Variants in ABCC1 observed in about 807,000 individuals in gnomAD.
ABCC1 encodes multidrug resistance-associated protein 1.
Under a neutral mutation model 172.9 loss-of-function variants are expected in ABCC1, and 83 were observed. The ratio of observed to expected loss-of-function variants is 0.48; its 90% confidence interval spans 0.40 to 0.58. ABCC1 has a LOEUF of 0.58. ABCC1 is among the 20% of genes least tolerant of loss of function. The pLI is 0.00. For synonymous variants in ABCC1, 937 were observed against 825.2 expected, an observed-to-expected ratio of 1.14 and a Z score of -2.32; for missense variants, 1,817 against 2,002.7, an observed-to-expected ratio of 0.91 and a Z score of 1.77.
intron 30 of ABCC1, among the ~76,000 whole-genome samples, chr16:16,139,429 C>T (rs538182241): frequency 1.2e-4 from 18 of 151,942 alleles, no homozygotes; most frequent in Admixed American, 5.9e-4. Context: ...TTGGCCAACA[C>T]GGTGAGACCC....
At chr16:16,101,114 C>G (rs2051724498) in intron 19 of ABCC1, among the ~76,000 whole-genome samples, 1 of 151,952 alleles carries the variant, frequency 6.6e-6, no homozygotes, top group African/African-American at 2.4e-5. Context: ...TCACTGCAAC[C>G]TCCGCCTCCC....
At chr16:16,075,809 G>T (rs1248798502) in intron 14 of ABCC1, among the ~76,000 whole-genome samples, 1 of 152,126 alleles carries the variant, frequency 6.6e-6, no homozygotes, top group Non-Finnish European at 1.5e-5. Flanking sequence ...GTGTGGCTGG[G>T]GGAGGAAGAC....
intron 10 of ABCC1, among the ~76,000 whole-genome samples, chr16:16,051,204 C>T (rs1382033320): frequency 6.6e-6 from 1 of 151,446 alleles, no homozygotes; most frequent in Admixed American, 6.6e-5. Flanking sequence ...GAGTCTTGCT[C>T]TGTTGCCCAG....
intron 16 of ABCC1, among the ~76,000 whole-genome samples, chr16:16,083,004 G>A (rs1567383774): frequency 1.3e-5 from 2 of 152,196 alleles, no homozygotes; most frequent in African/African-American, 4.8e-5. Flanking sequence ...CACCGTAACT[G>A]TAATCAAGTA....
intron 1 of ABCC1, among the ~76,000 whole-genome samples, chr16:15,980,010 C>T (rs577707082): frequency 7.9e-5 from 12 of 151,982 alleles, no homozygotes; most frequent in Middle Eastern, 3.2e-3. Context: ...ACATTCACTG[C>T]GCTAAAGAAA....
At chr16:15,949,234 T>G (rs758785931), upstream of ABCC1, among the ~76,000 whole-genome samples, 1 of 151,000 alleles carries the variant, frequency 6.6e-6, no homozygotes, top group Admixed American at 6.7e-5. Context: ...GAGGGCACAG[T>G]TAAGGCGCCC....
intron 1 of ABCC1, among the ~76,000 whole-genome samples, chr16:15,977,585 G>A (rs921012015): frequency 6.6e-6 from 1 of 152,040 alleles, no homozygotes; most frequent in Non-Finnish European, 1.5e-5. Context: ...CTCTTGGAGT[G>A]AGGTTCCCTC....
chr16:16,048,373 A>C (rs1478404349), intron 10 of ABCC1, 70 bp downstream of exon 10: 8 of 1,571,242 alleles, frequency 5.1e-6, no homozygotes, highest in African/African-American at 1.4e-5. Context: ...GGGCCGAGGG[A>C]GTGGGTGTTG....
intron 1 of ABCC1, among the ~76,000 whole-genome samples, chr16:15,991,829 A>C (rs568108490): frequency 1.3e-5 from 2 of 152,124 alleles, no homozygotes; most frequent in South Asian, 4.2e-4. Flanking sequence ...TGCCTTGACA[A>C]TGGCTGCAGC....
intron 12 of ABCC1, among the ~76,000 whole-genome samples, chr16:16,062,343 C>T (rs45595942): frequency 6.6e-6 from 1 of 151,888 alleles, no homozygotes; most frequent in East Asian, 1.9e-4. Context: ...TCTCTTTTTT[C>T]TTTCTTTCTT....
chr16:15,994,423 G>A (rs1323204550), intron 1 of ABCC1, among the ~76,000 whole-genome samples: 1 of 152,156 alleles, frequency 6.6e-6, no homozygotes, highest in Non-Finnish European at 1.5e-5. Context: ...TAATAGTCCT[G>A]ACTTTGTAGG....
At chr16:16,082,116 C>T (rs537252992) in intron 16 of ABCC1, among the ~76,000 whole-genome samples, 4 of 152,310 alleles carry the variant, frequency 2.6e-5, no homozygotes, top group African/African-American at 7.2e-5. Flanking sequence ...TTCTGCCAGT[C>T]GTTCCCTCAC....
intron 20 of ABCC1, among the ~76,000 whole-genome samples, chr16:16,105,870 G>A (rs1222277432): frequency 7.7e-6 from 1 of 129,632 alleles, no homozygotes; most frequent in Admixed American, 8.8e-5. Context: ...ACTGATGTGC[G>A]AAAAGTGCTT....
chr16:16,138,009 C>T lies in ABCC1; in HGVS notation c.4293-355C>T, dbSNP rs555628107. The stretch of plus-strand genomic sequence containing the variant: ...GGGACTACAAGAGCATGCCACCACA[C>T]CCAGCTAATTTGTTTATTTTTGTTT... On this transcript the variant is annotated intron_variant, in intron 29 of 30. Coordinates refer to ENST00000399410, the MANE Select transcript of ABCC1 (RefSeq NM_004996.4). 8.5e-5 allele frequency among the ~76,000 whole-genome samples: 13 copies of T among 152,066 alleles called. No individual in the cohort carries two copies. The South Asian group carries it at 2.7e-3, about 32-fold the overall frequency.
chr16:15,958,022 C>T (rs2046039405), intron 1 of ABCC1, among the ~76,000 whole-genome samples: 1 of 152,254 alleles, frequency 6.6e-6, no homozygotes, highest in Non-Finnish European at 1.5e-5. Context: ...CTGTCCGTTT[C>T]TGAGTTGCTC....
chr16:16,056,521 A>G, intron 12 of ABCC1: 1 of 565,674 alleles, frequency 1.8e-6, no homozygotes, highest in Middle Eastern at 4.8e-4. Flanking sequence ...ACAAAAAAAT[A>G]AGCCGGGTGT....
chr16:16,033,013 A>C, intron 5 of ABCC1, 96 bp from the exon 6 acceptor site: 2 of 1,193,374 alleles, frequency 1.7e-6, no homozygotes, highest in Non-Finnish European at 2.5e-6. Flanking sequence ...TGGAAGGAAG[A>C]GTGAGCAGCT....
intron 23 of ABCC1, among the ~76,000 whole-genome samples, chr16:16,117,223 A>G (rs2044925297): frequency 6.6e-6 from 1 of 152,230 alleles, no homozygotes; most frequent in Admixed American, 6.5e-5. Flanking sequence ...TGAGGAGGCC[A>G]TGGCAGAAGG....
intron 15 of ABCC1, among the ~76,000 whole-genome samples, chr16:16,078,875 CACCATGTTGGCCAG>C (rs1260762159): frequency 6.6e-6 from 1 of 152,178 alleles, no homozygotes; most frequent in Non-Finnish European, 1.5e-5. Context: ...AACGGGGTTT[CACCATGTTGGCCAG>C]ACTGGTCTCG....
Sources: allele counts gnomAD v4.1 joint callset (sites outside exome capture counted in the v4.1 genomes callset), GRCh38; gene constraint gnomAD v4.1.1; transcripts MANE v1.5; gene names NCBI Gene and HGNC (gene_info 2026-07-23, HGNC 2026-07-21).